KLC2: variants seen among roughly 807,000 people sequenced by gnomAD.
KLC2 encodes kinesin light chain 2.
In KLC2, 35 loss-of-function variants were observed where a neutral mutation model predicts 75.1. That is an observed-to-expected ratio of 0.47 (90% CI 0.36 to 0.62). The LOEUF is 0.62. Ranked by LOEUF, KLC2 falls within the 20% of genes least tolerant of loss-of-function variation. The probability of loss-of-function intolerance (pLI) is 0.00; values close to 1 mark genes in which losing one functional copy is unlikely to be tolerated. For missense variants in KLC2, 611 were observed against 833.2 expected (o/e 0.73, Z 3.28); for synonymous variants, 314 against 336.7 (o/e 0.93, Z 0.74).
chr11:66,249,370 G>A, the KLC2 span, among the ~76,000 whole-genome samples: 6 of 152,136 alleles, frequency 3.9e-5, no homozygotes, highest in Admixed American at 1.3e-4. Context: ...GCCCACACTC[G>A]GGTGAGGTGT....
chr11:66,264,838 G>T (rs983347866), intron 9 of KLC2, 185 bp from the exon 10 acceptor site: 8 of 608,872 alleles, frequency 1.3e-5, no homozygotes, highest in Non-Finnish European at 2.4e-5. Flanking sequence ...GTGGCCTGAG[G>T]TGCAAGGGTC....
chr11:66,262,136 A>T lies in KLC2; in HGVS notation c.473A>T (p.Asp158Val). The change falls in exon 4 of 16, where the codon GAC becomes GTC. Residue 158 changes from aspartate to valine, a missense_variant. By Grantham distance (152) the Asp-to-Val change is radical. Transcript: ENST00000394067. ...CTTCCTTCCCAGGAGGAGAAGGGGG[A>T]CGTCCCCAAAGACACACTGGATGAC... Reference protein sequence around the residue: ...EDASPNEEKGDVPKDTLDDLF... With the variant: ...EDASPNEEKGVVPKDTLDDLF... 1 of 1,613,058 alleles carries T rather than the reference A, an allele frequency of 6.2e-7. No homozygotes were observed. The highest frequency in any genetic ancestry group is 8.5e-7 in the Non-Finnish European group (1 of 1,179,832).
chr11:66,264,307 C>T, intron 8 of KLC2, 38 bp from the exon 9 acceptor site: 1 of 1,585,954 alleles, frequency 6.3e-7, no homozygotes, highest in Non-Finnish European at 8.6e-7. Context: ...GGCTTGGCTG[C>T]ATGCATCCCG....
At chr11:66,264,505 C>T (rs1262145614) in intron 9 of KLC2, 61 bp downstream of exon 9, 2 of 1,218,786 alleles carry the variant, frequency 1.6e-6, no homozygotes, top group South Asian at 1.3e-5. Flanking sequence ...CTGCCATCAG[C>T]ACCCAGGACA....
intron 12 of KLC2, 32 bp downstream of exon 12, chr11:66,265,795 CA>C (rs1384201615): frequency 1.2e-6 from 2 of 1,608,068 alleles, no homozygotes; most frequent in Non-Finnish European, 1.7e-6. Context: ...GGTGGGCAGA[CA>C]CCTGTGTGGC....
At chr11:66,255,564 C>G (rs1010043992), upstream of KLC2, among the ~76,000 whole-genome samples, 26 of 152,206 alleles carry the variant, frequency 1.7e-4, no homozygotes, top group African/African-American at 6.3e-4. Flanking sequence ...CGCAACAGAC[C>G]CCAACCTCAG....
the KLC2 span, among the ~76,000 whole-genome samples, chr11:66,250,124 G>A: frequency 2.6e-5 from 4 of 152,088 alleles, no homozygotes; most frequent in African/African-American, 9.7e-5. Flanking sequence ...TTTAAGATGT[G>A]GCCTTTGTAT....
Position 66,257,761 on chromosome 11 carries a change from G to A in KLC2, c.-122G>A, listed in dbSNP as rs908250271. 2 of 152,872 alleles carry A rather than the reference G, an allele frequency of 1.3e-5. No homozygotes were observed. Among genetic ancestry groups the A allele is most frequent in the Non-Finnish European group, 2.9e-5 (2 of 68,554 alleles). The allele number at this position is 152,872 out of a possible 1,614,324, so 9.5% of individuals were successfully genotyped here. ...GGCTTCACCTTTAAGGCGGCGCGGG[G>A]GCTGCTGGGAAGGCCGGCGGGATGG... On this transcript the variant is annotated 5_prime_UTR_variant, in exon 1 of 16. Transcript: ENST00000394067.
chr11:66,247,875 G>T, the KLC2 span, among the ~76,000 whole-genome samples: 1 of 152,154 alleles, frequency 6.6e-6, no homozygotes, highest in African/African-American at 2.4e-5. Flanking sequence ...TGATGCCTTA[G>T]CCCAAAAGAC....
At chr11:66,244,967 T>C in the KLC2 span, 2 of 152,232 alleles carry the variant, frequency 1.3e-5, no homozygotes, top group Non-Finnish European at 2.9e-5. Context: ...AAGCCCGTTT[T>C]TCCCCAGGAC....
rs909723896 is a variant in KLC2, at chr11:66,267,513, G to A, written c.*557G>A. 4.8e-4 allele frequency: 323 copies of A among 677,078 alleles called. No homozygotes were observed. The highest frequency in any genetic ancestry group is 1.0e-3 in the Middle Eastern group (4 of 4,004). 41.9% of individuals were successfully genotyped at this position (677,078 alleles called of 1,614,324 possible). A position where few individuals can be genotyped will look rare whatever the true frequency, so the allele number is the denominator to read the frequency against. On this transcript the variant is annotated 3_prime_UTR_variant, in exon 16 of 16. Transcript: ENST00000394067. ...GCGGCGCCTCCCAAGGGGGTCCTGGGACCTTCTCGCGCTCCTCCTGGCCTC... is the reference window on the plus strand; with the variant it reads ...GCGGCGCCTCCCAAGGGGGTCCTGGAACCTTCTCGCGCTCCTCCTGGCCTC...
the KLC2 span, among the ~76,000 whole-genome samples, chr11:66,251,501 A>C: frequency 2.3e-5 from 3 of 130,544 alleles, no homozygotes; most frequent in Admixed American, 2.2e-4. Flanking sequence ...GTCTCAAAAA[A>C]AGAGGCCTGG....
intron 15 of KLC2, 146 bp from the exon 16 acceptor site, chr11:66,266,727 C>T: frequency 2.2e-6 from 2 of 892,402 alleles, no homozygotes; most frequent in Non-Finnish European, 3.7e-6. Flanking sequence ...GTCAGGGCAC[C>T]AGGGTGTGGC....
In KLC2 at chr11:66,264,238, G is replaced by A. The variant is rs1220257240; in HGVS notation, c.1116+19G>A. 4 of 1,568,004 alleles carry A rather than the reference G, an allele frequency of 2.6e-6. No individual in the cohort carries two copies. In the South Asian group the frequency reaches 3.5e-5, roughly 14 times the overall value. On this transcript the variant is annotated intron_variant, in intron 8 of 15. Transcript: ENST00000394067. ...CAACCTGGTACCTTGGGGCTGAGAG[G>A]AGCTGGAGGATGGGAAGGAGGGAGG...
chr11:66,264,929 C>T lies in KLC2; in HGVS notation c.1217-94C>T, dbSNP rs189170681. 2,160 of 1,182,358 alleles carry T rather than the reference C, an allele frequency of 1.8e-3. 12 individuals are homozygous for T. Among genetic ancestry groups the T allele is most frequent in the Admixed American group, 6.4e-3 (299 of 46,460 alleles). The allele number at this position is 1,182,358 out of a possible 1,614,324, so 73.2% of individuals were successfully genotyped here. On this transcript the variant is annotated intron_variant, in intron 9 of 15. Transcript: ENST00000394067. The stretch of plus-strand genomic sequence containing the variant: ...GTTCATGCATTCAACGAAGCCCAAC[C>T]GTGGTCTCCCCTCCCCTGACCCCAG...
At position 66,267,369 on chromosome 11, in the gene KLC2, C is replaced by T. The variant is rs1326145093; in HGVS notation, c.*413C>T. On this transcript the variant is annotated 3_prime_UTR_variant, in exon 16 of 16. Transcript: ENST00000394067. Reference sequence around the variant, plus strand: ...GAGAAATAAGTTATTGGCCGCGCGCCTCCCTTCAGTCCACGGTACTACCCG... The same window carrying T: ...GAGAAATAAGTTATTGGCCGCGCGCTTCCCTTCAGTCCACGGTACTACCCG... The T allele has an allele frequency of 1.4e-6, 1 of 727,016 alleles. No individual in the cohort carries two copies. Among genetic ancestry groups the T allele is most frequent in the Non-Finnish European group, 2.5e-6 (1 of 393,880 alleles). The allele number at this position is 727,016 out of a possible 1,614,324, so 45.0% of individuals were successfully genotyped here.
intron 12 of KLC2, 26 bp downstream of exon 12, chr11:66,265,789 G>A (rs772118350): frequency 1.9e-6 from 3 of 1,609,872 alleles, no homozygotes; most frequent in South Asian, 2.2e-5. Context: ...GGAGGGGGTG[G>A]GCAGACACCT....
rs760514266 is a variant in KLC2 at position 66,264,098 on chromosome 11, T to C, written c.995T>C (p.Leu332Pro). ...GCCAAGCAGCTCAGCAACCTGGCCC[T>C]GCTGTGCCAGAACCAGGGCAAAGCT... ...DVAKQLSNLALLCQNQGKAEE... is the reference protein window; with the variant it reads ...DVAKQLSNLAPLCQNQGKAEE... Residue 332 changes from leucine to proline, a missense_variant, in exon 8 of 16, where the codon CTG (leucine) becomes CCG (proline). Physicochemically the swap from Leu to Pro is moderately conservative, Grantham distance 98. Transcript: ENST00000394067. 2 of 1,605,548 alleles carry C rather than the reference T, an allele frequency of 1.2e-6. No homozygotes were observed. The highest frequency in any genetic ancestry group is 1.7e-6 in the Non-Finnish European group (2 of 1,175,452).
chr11:66,251,936 T>C, the KLC2 span, among the ~76,000 whole-genome samples: 1 of 152,178 alleles, frequency 6.6e-6, no homozygotes, highest in East Asian at 1.9e-4. Flanking sequence ...GAGATGGAGA[T>C]GTGGGCCTCC....
Sources: allele counts gnomAD v4.1 joint callset (sites outside exome capture counted in the v4.1 genomes callset), GRCh38; gene constraint gnomAD v4.1.1; transcripts MANE v1.5; gene names NCBI Gene and HGNC (gene_info 2026-07-23, HGNC 2026-07-21).